Variants in LIMCH1 observed in about 807,000 individuals in gnomAD.
LIMCH1 encodes the protein LIM and calponin homology domains-containing protein 1.
A neutral mutation model predicts 176.5 loss-of-function variants in LIMCH1; 113 were observed. The ratio of observed to expected loss-of-function variants is 0.64; its 90% CI spans 0.55 to 0.75. The LOEUF (loss-of-function observed/expected upper bound fraction) is 0.75, where lower values mean the gene tolerates loss of function less well. LIMCH1 is among the 30% of genes least tolerant of loss of function. The pLI is 0.00. For synonymous variants in LIMCH1, 619 were observed against 645.9 expected (o/e 0.96, Z 0.63); for missense variants, 1,674 against 1,814.9 (o/e 0.92, Z 1.41).
intron 2 of LIMCH1, among the ~76,000 whole-genome samples, chr4:41,504,862 A>C (rs1324973931): frequency 6.6e-6 from 1 of 152,200 alleles, no homozygotes; most frequent in East Asian, 1.9e-4. Context: ...ATCCTATGAA[A>C]TTGTGTCAAT....
At chr4:41,376,259 C>T (rs559274139) in intron 1 of LIMCH1, among the ~76,000 whole-genome samples, 82 of 152,112 alleles carry the variant, frequency 5.4e-4, no homozygotes, top group Non-Finnish European at 8.4e-4. Context: ...GTTACCCACC[C>T]AGAATAGTTG....
intron 2 of LIMCH1, among the ~76,000 whole-genome samples, chr4:41,501,418 G>A (rs2073244167): frequency 6.6e-6 from 1 of 152,108 alleles, no homozygotes; most frequent in Admixed American, 6.5e-5. Context: ...GGTGTAATTG[G>A]CTTAGAAGGC....
At chr4:41,629,376 C>T in intron 8 of LIMCH1, 116 bp from the exon 9 acceptor site, 1 of 1,205,208 alleles carries the variant, frequency 8.3e-7, no homozygotes, top group South Asian at 1.6e-5. Flanking sequence ...AAAGTGTTTC[C>T]ATCATTTTGT....
intron 4 of LIMCH1, among the ~76,000 whole-genome samples, chr4:41,610,779 A>G (rs2091327497): frequency 6.6e-6 from 1 of 152,190 alleles, no homozygotes; most frequent in African/African-American, 2.4e-5. Context: ...TTCGGAGACC[A>G]TTCTCTTAAC....
At chr4:41,533,643 C>T (rs1348606462), upstream of LIMCH1, among the ~76,000 whole-genome samples, 4 of 152,138 alleles carry the variant, frequency 2.6e-5, no homozygotes, top group African/African-American at 9.7e-5. Flanking sequence ...TAGGAGACTA[C>T]TTTCTAGAAG....
At chr4:41,469,111 G>A (rs1350297206) in intron 1 of LIMCH1, among the ~76,000 whole-genome samples, 1 of 152,152 alleles carries the variant, frequency 6.6e-6, no homozygotes, top group South Asian at 2.1e-4. Flanking sequence ...CTGGGACTGA[G>A]GATGATAATT....
Position 41,682,322 on chromosome 4 carries a change from T to C in LIMCH1, c.3718-11T>C. On this transcript the variant is annotated splice_polypyrimidine_tract_variant and intron_variant, in intron 25 of 31. Coordinates refer to ENST00000503057, the MANE Select transcript of LIMCH1 (RefSeq NM_001330672.2). ...ATTTATACTTAAGATTTTCATTGTT[T>C]TTCTCCTTAGAATAAGATAGACCTG... 1.9e-6 allele frequency: 3 copies of C among 1,602,258 alleles called. No homozygotes were observed. Among genetic ancestry groups the C allele is most frequent in the Non-Finnish European group, 2.6e-6 (3 of 1,171,974 alleles).
chr4:41,508,219 T>C (rs1024642247), intron 2 of LIMCH1, among the ~76,000 whole-genome samples: 1 of 152,172 alleles, frequency 6.6e-6, no homozygotes, highest in Non-Finnish European at 1.5e-5. Flanking sequence ...TATAAGGATT[T>C]GGTGGTTTGA....
intron 1 of LIMCH1, among the ~76,000 whole-genome samples, 169 bp from the exon 2 acceptor site, chr4:41,598,751 G>C (rs943059981): frequency 1.3e-5 from 2 of 152,162 alleles, no homozygotes; most frequent in Non-Finnish European, 2.9e-5. Flanking sequence ...GGTTTGAAGT[G>C]TCTGTTTATC....
At chr4:41,682,505 C>T (rs1416835406) in intron 26 of LIMCH1, 45 bp downstream of exon 26, 5 of 1,594,368 alleles carry the variant, frequency 3.1e-6, no homozygotes, top group Non-Finnish European at 4.3e-6. Context: ...CAAAGCTGGG[C>T]TCTGCTCGTG....
At chr4:41,635,403 T>C (rs1340937720) in intron 13 of LIMCH1, among the ~76,000 whole-genome samples, 1 of 152,172 alleles carries the variant, frequency 6.6e-6, no homozygotes, top group Non-Finnish European at 1.5e-5. Flanking sequence ...AATTTTTGTA[T>C]TTTTAGTAGA....
At chr4:41,578,324 C>G (rs895589040) in intron 1 of LIMCH1, among the ~76,000 whole-genome samples, 1 of 152,166 alleles carries the variant, frequency 6.6e-6, no homozygotes, top group African/African-American at 2.4e-5. Context: ...ATCATGAGAA[C>G]AGCGTAGAGG....
At chr4:41,511,867 T>G (rs1176694679) in intron 2 of LIMCH1, among the ~76,000 whole-genome samples, 1 of 152,142 alleles carries the variant, frequency 6.6e-6, no homozygotes, top group Non-Finnish European at 1.5e-5. Context: ...AGGCAATCAT[T>G]TTTTATATAT....
chr4:41,689,674 T>C (rs757239457), intron 30 of LIMCH1, 39 bp downstream of exon 30: 37 of 1,256,420 alleles, frequency 2.9e-5, no homozygotes, highest in Non-Finnish European at 4.1e-5. Context: ...CACAACTTCA[T>C]GATGTCTTTT....
At chr4:41,579,846 A>G (rs1471695582) in intron 1 of LIMCH1, among the ~76,000 whole-genome samples, 2 of 152,122 alleles carry the variant, frequency 1.3e-5, no homozygotes, top group Admixed American at 6.5e-5. Flanking sequence ...TCAATGCTTC[A>G]TGGTCTGTGG....
chr4:41,605,046 A>T (rs1179024325), intron 3 of LIMCH1, among the ~76,000 whole-genome samples: 1 of 152,214 alleles, frequency 6.6e-6, no homozygotes, highest in East Asian at 1.9e-4. Flanking sequence ...CATGGGCCTC[A>T]GATACTTGTA....
At chr4:41,591,362 C>A (rs1189589084) in intron 1 of LIMCH1, among the ~76,000 whole-genome samples, 1 of 152,140 alleles carries the variant, frequency 6.6e-6, no homozygotes, top group Admixed American at 6.6e-5. Flanking sequence ...CCACCCCAGC[C>A]TCCTGAGTAG....
Position 41,682,702 on chromosome 4 carries a change from G to A in LIMCH1, c.3845+242G>A, listed in dbSNP as rs143309654. Among the ~76,000 whole-genome samples, 18 of 139,058 alleles carry A rather than the reference G, an allele frequency of 1.3e-4. No homozygotes were observed. The East Asian group carries it at 2.0e-3, about 15-fold the overall frequency. 91.2% of individuals were successfully genotyped at this position (139,058 alleles called of 152,430 possible). On this transcript the variant is annotated intron_variant, in intron 26 of 31. Coordinates refer to ENST00000503057, the MANE Select transcript of LIMCH1 (RefSeq NM_001330672.2). Reference sequence around the variant, plus strand: ...TCTTTTTTTTTTTTTTGCTTGAGACGGAGTCTCACTCTATCTCAGGCTGGA... The same window carrying A: ...TCTTTTTTTTTTTTTTGCTTGAGACAGAGTCTCACTCTATCTCAGGCTGGA...
chr4:41,537,191 G>A (rs1561669757), upstream of LIMCH1, among the ~76,000 whole-genome samples: 1 of 152,208 alleles, frequency 6.6e-6, no homozygotes, highest in Non-Finnish European at 1.5e-5. Flanking sequence ...CAGGATACCA[G>A]TGAGTCCATT....
Sources: allele counts gnomAD v4.1 joint callset (sites outside exome capture counted in the v4.1 genomes callset), GRCh38; gene constraint gnomAD v4.1.1; transcripts MANE v1.5; gene names NCBI Gene and HGNC (gene_info 2026-07-23, HGNC 2026-07-21).